Variants in VSIG1 observed in about 807,000 individuals in gnomAD.
VSIG1 encodes the protein V-set and immunoglobulin domain containing 1, also known as V-set and immunoglobulin domain-containing protein 1.
Under a neutral mutation model 20.1 loss-of-function variants are expected in VSIG1, and 11 were observed. The ratio of observed to expected loss-of-function variants is 0.55; its 90% CI spans 0.34 to 0.91. The LOEUF is 0.91. VSIG1 is among the 40% of genes least tolerant of loss of function. VSIG1 has a pLI of 0.02. For missense variants in VSIG1, 283 were observed against 298.8 expected, an observed-to-expected ratio of 0.95 and a Z score of 0.39; for synonymous variants, 126 against 116.7, an observed-to-expected ratio of 1.08 and a Z score of -0.52.
chrX:108,073,085 G>T (rs1239586516), intron 4 of VSIG1, among the ~76,000 whole-genome samples, 165 bp from the exon 5 acceptor site: 1 of 111,542 alleles, frequency 9.0e-6, no homozygotes, highest in African/African-American at 3.3e-5. Context: ...CATGGTCCCA[G>T]GTGAGTTAGC....
At chrX:108,068,606 G>A (rs188908969) in intron 3 of VSIG1, among the ~76,000 whole-genome samples, 114 of 111,147 alleles carry the variant, frequency 1.0e-3, no homozygotes, top group Non-Finnish European at 1.8e-3. Flanking sequence ...TAAACAACCA[G>A]GTCTTATGAG....
chrX:108,045,391 A>G (rs1285247415), intron 1 of VSIG1, among the ~76,000 whole-genome samples: 2 of 112,472 alleles, frequency 1.8e-5, no homozygotes, highest in Admixed American at 1.9e-4. Context: ...TGTTTTATGG[A>G]GCTTCTGAAT....
intron 2 of VSIG1, among the ~76,000 whole-genome samples, chrX:108,060,243 T>G (rs2030994301): frequency 8.9e-6 from 1 of 111,740 alleles, no homozygotes; most frequent in South Asian, 3.8e-4. Context: ...GTGGGGCAAG[T>G]GATTTAAGAT....
At chrX:108,050,164 AT>A (rs1208777682) in intron 1 of VSIG1, among the ~76,000 whole-genome samples, 8 of 111,903 alleles carry the variant, frequency 7.1e-5, no homozygotes, top group African/African-American at 2.3e-4. Context: ...CAGTACAACG[AT>A]TTTTTTTCTT....
At chrX:108,060,214 T>C (rs1251540340) in intron 2 of VSIG1, among the ~76,000 whole-genome samples, 1 of 112,131 alleles carries the variant, frequency 8.9e-6, no homozygotes, top group Non-Finnish European at 1.9e-5. Flanking sequence ...TGCTTCATTC[T>C]TCAAAATGTC....
intron 2 of VSIG1, among the ~76,000 whole-genome samples, chrX:108,062,633 G>A (rs1264426927): frequency 8.9e-6 from 1 of 111,827 alleles, no homozygotes; most frequent in Admixed American, 9.4e-5. Context: ...TGGAGGGTTG[G>A]TAAGAGAGTT....
intron 1 of VSIG1, among the ~76,000 whole-genome samples, chrX:108,056,891 G>A (rs897125440): frequency 2.7e-5 from 3 of 112,069 alleles, no homozygotes; most frequent in Non-Finnish European, 5.6e-5. Context: ...GCACTGTTGG[G>A]CATTTGTGCC....
chrX:108,055,328 C>T (rs1404237819), intron 1 of VSIG1, among the ~76,000 whole-genome samples: 2 of 111,550 alleles, frequency 1.8e-5, no homozygotes, highest in Non-Finnish European at 3.8e-5. Flanking sequence ...AAAGCTCCTA[C>T]AAAATAAATC....
chrX:108,065,398 T>C (rs1348717627), intron 2 of VSIG1, among the ~76,000 whole-genome samples: 2 of 112,021 alleles, frequency 1.8e-5, no homozygotes, highest in Admixed American at 9.4e-5. Context: ...GTGAATTAAA[T>C]GAACTGTAAG....
At chrX:108,031,932 T>C in the VSIG1 span, among the ~76,000 whole-genome samples, 1 of 112,239 alleles carries the variant, frequency 8.9e-6, no homozygotes, top group Non-Finnish European at 1.9e-5. Flanking sequence ...TTTCCAGCCT[T>C]GCTTCTACCA....
chrX:108,047,844 A>G (rs2030633753), intron 1 of VSIG1, among the ~76,000 whole-genome samples: 1 of 39,440 alleles, frequency 2.5e-5, no homozygotes, highest in Non-Finnish European at 4.8e-5. Flanking sequence ...ATATATATAT[A>G]CATATATATA....
chrX:108,030,346 A>G, the VSIG1 span, among the ~76,000 whole-genome samples: 1 of 112,031 alleles, frequency 8.9e-6, no homozygotes, highest in East Asian at 2.8e-4. Context: ...GAATCAAAAC[A>G]TGGAACTTCC....
At chrX:108,045,230 T>G in intron 1 of VSIG1, 51 bp downstream of exon 1, 1 of 1,055,795 alleles carries the variant, frequency 9.5e-7, no homozygotes, top group Non-Finnish European at 1.3e-6. Flanking sequence ...CAGAGTTTCC[T>G]TTTAAATAAA....
chrX:108,042,106 A>G (rs1310175226), upstream of VSIG1, among the ~76,000 whole-genome samples: 1 of 112,241 alleles, frequency 8.9e-6, no homozygotes, highest in Non-Finnish European at 1.9e-5. Flanking sequence ...TTTAAGCAAT[A>G]GTTAATAACA....
chrX:108,019,380 C>T, the VSIG1 span, among the ~76,000 whole-genome samples: 2 of 112,378 alleles, frequency 1.8e-5, no homozygotes, highest in Non-Finnish European at 3.8e-5. Context: ...CCTGCCCCCC[C>T]GTGTTGCATA....
chrX:108,039,707 GA>G, the VSIG1 span, among the ~76,000 whole-genome samples: 1 of 110,795 alleles, frequency 9.0e-6, no homozygotes, highest in East Asian at 2.8e-4. Flanking sequence ...CTCAGATGAA[GA>G]GGGGGGCAGC....
At chrX:108,055,821 G>A (rs1432194796) in intron 1 of VSIG1, among the ~76,000 whole-genome samples, 1 of 112,267 alleles carries the variant, frequency 8.9e-6, no homozygotes, top group Admixed American at 9.4e-5. Flanking sequence ...CAGAGCAGCT[G>A]TAACAAATTG....
chrX:108,060,736 T>G (rs1318434021), intron 2 of VSIG1, among the ~76,000 whole-genome samples: 1 of 112,208 alleles, frequency 8.9e-6, no homozygotes, highest in African/African-American at 3.2e-5. Context: ...ATCTTTAAAA[T>G]GGGGCTACTT....
chrX:108,076,690 C>G (rs2147937384), intron 6 of VSIG1, among the ~76,000 whole-genome samples: 1 of 111,076 alleles, frequency 9.0e-6, no homozygotes, highest in Admixed American at 9.5e-5. Flanking sequence ...CTACAACTAT[C>G]TATTGGGTAT....
Sources: allele counts gnomAD v4.1 joint callset (sites outside exome capture counted in the v4.1 genomes callset), GRCh38; gene constraint gnomAD v4.1.1; transcripts MANE v1.5; gene names NCBI Gene and HGNC (gene_info 2026-07-23, HGNC 2026-07-21).